Variants in KLHL35 observed in about 807,000 individuals in gnomAD.
The protein encoded by KLHL35 is kelch-like protein 35.
KLHL35 carries 50 observed loss-of-function variants against 44.0 expected under a neutral mutation model. That is an observed-to-expected ratio of 1.14 (90% CI 0.91 to 1.44). The LOEUF is 1.44. Among genes scored for constraint, KLHL35 ranks in the 40% most tolerant of loss-of-function variants. The pLI, the probability that KLHL35 is intolerant of heterozygous loss-of-function variation, is 0.00. For missense variants in KLHL35, 1,049 were observed against 887.8 expected (o/e 1.18, Z -2.31); for synonymous variants, 470 against 410.4 (o/e 1.15, Z -1.76).
At chr11:75,423,939 C>T (rs560123171) in intron 5 of KLHL35, 59 bp from the exon 6 acceptor site, 9 of 1,324,190 alleles carry the variant, frequency 6.8e-6, no homozygotes, top group East Asian at 5.1e-5. Flanking sequence ...AATGCCCCAC[C>T]GCCCACATGC....
Position 75,425,593 on chromosome 11 carries a change from G to T in KLHL35, c.1186-12C>A. 1.4e-6 allele frequency: 2 copies of T among 1,462,970 alleles called. No homozygotes were observed. The highest frequency in any genetic ancestry group is 2.7e-5 in the East Asian group (1 of 37,470). The allele number at this position is 1,462,970 out of a possible 1,614,324, so 90.6% of individuals were successfully genotyped here. ...CCCACCGCGAACAGCTGCAAGTGAGGACATGGGCCGGGGAGCCGGGTGCCA... is the reference window on the plus strand; with the variant it reads ...CCCACCGCGAACAGCTGCAAGTGAGTACATGGGCCGGGGAGCCGGGTGCCA... On this transcript the variant is annotated splice_polypyrimidine_tract_variant and intron_variant, in intron 4 of 6. Transcript: ENST00000539798.
intron 6 of KLHL35, 134 bp downstream of exon 6, chr11:75,423,558 A>G: frequency 1.3e-6 from 1 of 758,522 alleles, no homozygotes; most frequent in Non-Finnish European, 2.2e-6. Context: ...TGCATGGTTC[A>G]CTATCACTGT....
intron 2 of KLHL35, among the ~76,000 whole-genome samples, chr11:75,429,080 A>G (rs1035148239): frequency 6.6e-6 from 1 of 151,912 alleles, no homozygotes; most frequent in African/African-American, 2.4e-5. Context: ...CTCACCTCCA[A>G]CCGCTGATTC....
chr11:75,430,559 G>A lies in KLHL35; in HGVS notation c.71C>T (p.Ala24Val). 1.4e-6 allele frequency: 2 copies of A among 1,455,956 alleles called. No homozygotes were observed. The highest frequency in any genetic ancestry group is 1.8e-6 in the Non-Finnish European group (2 of 1,109,244). 90.2% of individuals were successfully genotyped at this position (1,455,956 alleles called of 1,614,324 possible). Residue 24 changes from alanine to valine, a missense_variant, in exon 2 of 7, where the codon GCG (alanine) becomes GTG (valine). By Grantham distance (64) the Ala-to-Val change is moderately conservative (BLOSUM62 0). Coordinates refer to ENST00000539798, the MANE Select transcript of KLHL35 (RefSeq NM_001039548.3). ...CEAPCAGPCH[A>V]QRVLQALNAY... is the part of the protein sequence containing the mutation. ...GTTCAGGGCCTGCAGCACGCGCTGC[G>A]CGTGGCACGGACCCGCGCACGGCGC...
intron 1 of KLHL35, 130 bp from the exon 2 acceptor site, chr11:75,430,760 A>G (rs925808126): frequency 9.7e-6 from 8 of 826,944 alleles, no homozygotes; most frequent in African/African-American, 3.6e-5. Flanking sequence ...TTCAGCATCC[A>G]GGTTCCTTAC....
intron 1 of KLHL35, among the ~76,000 whole-genome samples, chr11:75,431,276 TGACA>T (rs1948535232): frequency 1.3e-5 from 2 of 152,230 alleles, no homozygotes; most frequent in Admixed American, 6.5e-5. Context: ...AGCACTCCCC[TGACA>T]GACAGCATCA....
At chr11:75,425,766 C>T (rs1715342148) in intron 4 of KLHL35, 185 bp from the exon 5 acceptor site, 2 of 466,572 alleles carry the variant, frequency 4.3e-6, no homozygotes, top group South Asian at 1.0e-4. Context: ...GTTGCTGTAC[C>T]TCCCTGAGCC....
intron 1 of KLHL35, among the ~76,000 whole-genome samples, chr11:75,432,388 C>T (rs1948544190): frequency 6.6e-6 from 1 of 152,208 alleles, no homozygotes. Flanking sequence ...CTGAATCCAC[C>T]TGGCTCCAGG....
rs562490765 is a variant in KLHL35, at chr11:75,426,230, C to T, written c.1185+290G>A. 1.8e-5 allele frequency: 4 copies of T among 217,852 alleles called. No homozygotes were observed. The South Asian group carries it at 2.8e-4, about 15-fold the overall frequency. 13.5% of individuals were successfully genotyped at this position (217,852 alleles called of 1,614,324 possible). On this transcript the variant is annotated intron_variant, in intron 4 of 6. Transcript: ENST00000539798. Reference sequence around the variant, plus strand: ...TTGGCCTCCCAAAGTGCTGGGATTACAGCCACTGCGCCCGGCCGACAGATT... The same window carrying T: ...TTGGCCTCCCAAAGTGCTGGGATTATAGCCACTGCGCCCGGCCGACAGATT...
chr11:75,423,702 G>C lies in KLHL35; in HGVS notation c.1553C>G (p.Pro518Arg). ...TDVWGEAAVL[P>R]SPVESCGVTV... ...GAAGCCTCCACTTACCACAGGGCTG[G>C]GGAGGACAGCTGCCTCCCCCCACAC... The change falls in exon 6 of 7, where the codon CCC becomes CGC. Residue 518 changes from proline to arginine, a missense_variant. Pro to Arg is a moderately radical substitution (Grantham distance 103, BLOSUM62 -2). Transcript: ENST00000539798. 6.2e-7 allele frequency: 1 copy of C among 1,613,630 alleles called. No individual in the cohort carries two copies. The highest frequency in any genetic ancestry group is 1.3e-5 in the African/African-American group (1 of 75,048).
intron 1 of KLHL35, among the ~76,000 whole-genome samples, chr11:75,432,233 T>C (rs1022582618): frequency 6.6e-6 from 1 of 152,222 alleles, no homozygotes; most frequent in Admixed American, 6.5e-5. Flanking sequence ...CTGCTGCCTC[T>C]GGAGGTCAGA....
chr11:75,430,274 G>A lies in KLHL35; in HGVS notation c.356C>T (p.Ala119Val), dbSNP rs1948524906. Reference protein sequence around the residue: ...YVYGAGVRLRAEDEAAAVLAL... With the variant: ...YVYGAGVRLRVEDEAAAVLAL... ...CAGCACGGCCGCCGCCTCGTCCTCC[G>A]CGCGCAGCCGCACGCCCGCTCCGTA... The change falls in exon 2 of 7, where the codon GCG becomes GTG. Residue 119 changes from alanine (A) to valine (V), a missense_variant. By Grantham distance (64) the Ala-to-Val change is moderately conservative (BLOSUM62 0). Transcript: ENST00000539798. 5.0e-6 allele frequency: 6 copies of A among 1,204,654 alleles called. No homozygotes were observed. In the African/African-American group the frequency reaches 6.5e-5, roughly 13 times the overall value. 74.6% of individuals were successfully genotyped at this position (1,204,654 alleles called of 1,614,324 possible). A position where few individuals can be genotyped will look rare whatever the true frequency, so the allele number is the denominator to read the frequency against.
intron 2 of KLHL35, 30 bp downstream of exon 2, chr11:75,429,719 G>GGGCGGGAAGCTAGGGGAT: frequency 7.0e-7 from 1 of 1,425,874 alleles, no homozygotes; most frequent in Non-Finnish European, 9.1e-7. Flanking sequence ...GAAGAACGGA[G>GGGCGGGAAGCTAGGGGAT]GGCGGGAAGC....
chr11:75,426,565 CAG>C lies in KLHL35; in HGVS notation c.1138_1139del (p.Leu380AlafsTer83). Reference protein sequence around the residue: ...HLHTWIKVASLHKGRWRHKMA... With the variant: ...HLHTWIKVASXHKGRWRHKMA... Reference sequence around the variant, plus strand: ...TCTTGTGCCTCCACCTGCCCTTGTGCAGAGAGGCTACCTTGATCCAGGTGTGC... The same window carrying C: ...TCTTGTGCCTCCACCTGCCCTTGTGCAGAGGCTACCTTGATCCAGGTGTGC... On this transcript the variant is annotated frameshift_variant, in exon 4 of 7. Coordinates refer to ENST00000539798, the MANE Select transcript of KLHL35 (RefSeq NM_001039548.3). LOFTEE classifies it high-confidence loss of function. The C allele has an allele frequency of 1.2e-6, 2 of 1,606,614 alleles. No individual in the cohort carries two copies. The highest frequency in any genetic ancestry group is 1.7e-6 in the Non-Finnish European group (2 of 1,177,138).
intron 3 of KLHL35, chr11:75,426,943 A>G: frequency 3.8e-6 from 1 of 259,808 alleles, no homozygotes; most frequent in South Asian, 6.1e-5. Context: ...GAAAGCAAAG[A>G]GGGGGCCGCT....
In KLHL35 at chr11:75,430,315, C is replaced by T. The variant is rs1948525528; in HGVS notation, c.315G>A (p.Val105=). The change falls in exon 2 of 7, where the codon GTG becomes GTA. Residue 105 remains valine (V), a synonymous_variant. Transcript: ENST00000539798. ...SPAGAAAALA[V]VLDYVYGAGV... is the part of the protein sequence containing the mutation. Reference sequence around the variant, plus strand: ...CCGCTCCGTACACGTAGTCGAGCACCACGGCCAGCGCCGCCGCCGCCCCGG... The same window carrying T: ...CCGCTCCGTACACGTAGTCGAGCACTACGGCCAGCGCCGCCGCCGCCCCGG... The T allele has an allele frequency of 2.4e-6, 3 of 1,255,390 alleles. No individual in the cohort carries two copies. Among genetic ancestry groups the T allele is most frequent in the East Asian group, 7.5e-5 (2 of 26,546 alleles). The allele number at this position is 1,255,390 out of a possible 1,614,324, so 77.8% of individuals were successfully genotyped here. A position where few individuals can be genotyped will look rare whatever the true frequency, so the allele number is the denominator to read the frequency against.
chr11:75,423,997 T>C (rs1265124476), intron 5 of KLHL35, 117 bp from the exon 6 acceptor site: 6 of 762,794 alleles, frequency 7.9e-6, no homozygotes, highest in African/African-American at 1.8e-5. Flanking sequence ...CATTTGCCAG[T>C]GTCCACCAGG....
chr11:75,430,206 A>C lies in KLHL35; in HGVS notation c.424T>G (p.Cys142Gly). The C allele has an allele frequency of 8.1e-7, 1 of 1,236,590 alleles. No individual in the cohort carries two copies. Among genetic ancestry groups the C allele is most frequent in the Non-Finnish European group, 1.0e-6 (1 of 986,276 alleles). 76.6% of individuals were successfully genotyped at this position (1,236,590 alleles called of 1,614,324 possible). ...AGGCGGCCCTCGAGAAAGCGCACGCAGGCCTCGCGCAGGCCCGCCACGCCC... is the reference window on the plus strand; with the variant it reads ...AGGCGGCCCTCGAGAAAGCGCACGCCGGCCTCGCGCAGGCCCGCCACGCCC... The part of the protein sequence containing the change: ...RLGVAGLREA[C>G]VRFLEGRLRA... The change falls in exon 2 of 7, where the codon TGC (cysteine) becomes GGC (glycine). Residue 142 changes from cysteine (C) to glycine (G), a missense_variant. Coordinates refer to ENST00000539798, the MANE Select transcript of KLHL35 (RefSeq NM_001039548.3).
At position 75,428,493 on chromosome 11, in the gene KLHL35, T is replaced by G; in HGVS notation, c.1015A>C (p.Thr339Pro). 6.2e-7 allele frequency: 1 copy of G among 1,612,548 alleles called. No homozygotes were observed. Among genetic ancestry groups the G allele is most frequent in the Non-Finnish European group, 8.5e-7 (1 of 1,179,850 alleles). Reference sequence around the variant, plus strand: ...GCACAGGCGGCGAATTCTGAGCGAGTGTAGCCGGGCAGGCTGGGCAGTGGG... The same window carrying G: ...GCACAGGCGGCGAATTCTGAGCGAGGGTAGCCGGGCAGGCTGGGCAGTGGG... ...WTPLPSLPGY[T>P]RSEFAACALR... The change falls in exon 3 of 7, where the codon ACT becomes CCT. Residue 339 changes from threonine (T) to proline (P), a missense_variant. Thr to Pro is a conservative substitution (Grantham distance 38). Transcript: ENST00000539798.
Sources: allele counts gnomAD v4.1 joint callset (sites outside exome capture counted in the v4.1 genomes callset), GRCh38; gene constraint gnomAD v4.1.1; transcripts MANE v1.5; gene names NCBI Gene and HGNC (gene_info 2026-07-23, HGNC 2026-07-21).